CUL4B: variants seen among roughly 807,000 people sequenced by gnomAD.
The protein encoded by CUL4B is cullin 4B.
A neutral mutation model predicts 69.2 loss-of-function variants in CUL4B; 1 was observed. The observed-to-expected ratio is 0.01, with a 90% confidence interval of 0.01 to 0.07. CUL4B has a LOEUF of 0.07. Ranked by LOEUF, CUL4B falls within the 10% of genes least tolerant of loss-of-function variation. CUL4B has a pLI of 1.00. For synonymous variants in CUL4B, 237 were observed against 223.2 expected (o/e 1.06, Z -0.55); for missense variants, 328 against 638.8 (o/e 0.51, Z 5.24).
chrX:120,527,361 T>C (rs1431617526), intron 19 of CUL4B, among the ~76,000 whole-genome samples: 1 of 111,508 alleles, frequency 9.0e-6, no homozygotes, highest in Non-Finnish European at 1.9e-5. Context: ...CCCAGGTATG[T>C]TGAAGATTCT....
At chrX:120,563,770 T>G (rs1925411764), upstream of CUL4B, among the ~76,000 whole-genome samples, 1 of 112,284 alleles carries the variant, frequency 8.9e-6, no homozygotes, top group Middle Eastern at 4.6e-3. Flanking sequence ...AGTTAAAATC[T>G]TTAGGAGGGT....
At chrX:120,540,270 C>CAGGAATT in intron 11 of CUL4B, 100 bp downstream of exon 11, 3 of 794,340 alleles carry the variant, frequency 3.8e-6, no homozygotes, top group Middle Eastern at 4.2e-4. Flanking sequence ...TCAAACAAAT[C>CAGGAATT]AGGAATTAGT....
chrX:120,574,182 G>C (rs1387880307), intron 2 of CUL4B, among the ~76,000 whole-genome samples: 1 of 98,879 alleles, frequency 1.0e-5, no homozygotes, highest in Non-Finnish European at 2.0e-5. Context: ...AATTTCATAA[G>C]AATTTACTCA....
At chrX:120,543,068 C>T (rs777900826) in intron 8 of CUL4B, 35 bp from the exon 9 acceptor site, 7 of 964,004 alleles carry the variant, frequency 7.3e-6, no homozygotes, top group South Asian at 2.1e-5. Flanking sequence ...GTATTATTGA[C>T]GTTTGACTTC....
chrX:120,564,427 G>T (rs763284022), upstream of CUL4B, among the ~76,000 whole-genome samples: 3 of 111,992 alleles, frequency 2.7e-5, no homozygotes, highest in Non-Finnish European at 5.6e-5. Flanking sequence ...CCAACATGGT[G>T]AAACCCTATC....
upstream of CUL4B, among the ~76,000 whole-genome samples, chrX:120,563,981 GTCT>G (rs778260689): frequency 2.7e-5 from 3 of 112,183 alleles, no homozygotes; most frequent in East Asian, 8.4e-4. Context: ...AAGCCCTTCA[GTCT>G]TCTGAGTTAC....
Position 120,530,188 on chromosome X carries a change from T to C in CUL4B, c.2506A>G (p.Ile836Val), listed in dbSNP as rs1334613409. Reference sequence around the variant, plus strand: ...TTTCTCATCTTCATAATTCGAACAATTGCAGCATCAATTTGATACTGTCTG... The same window carrying C: ...TTTCTCATCTTCATAATTCGAACAACTGCAGCATCAATTTGATACTGTCTG... ...QDRQYQIDAA[I>V]VRIMKMRKTL... The change falls in exon 19 of 20, where the codon ATT (isoleucine) becomes GTT (valine). Residue 836 changes from isoleucine to valine, a missense_variant. Ile to Val is a conservative substitution (Grantham distance 29, BLOSUM62 3). Coordinates refer to ENST00000371322, the MANE Select transcript of CUL4B (RefSeq NM_001079872.2). 3.3e-6 allele frequency: 4 copies of C among 1,206,097 alleles called. No homozygotes were observed. Among genetic ancestry groups the C allele is most frequent in the South Asian group, 1.8e-5 (1 of 56,783 alleles).
intron 11 of CUL4B, 39 bp from the exon 12 acceptor site, chrX:120,539,411 A>C: frequency 1.2e-6 from 1 of 851,457 alleles, no homozygotes; most frequent in Middle Eastern, 2.7e-4. Context: ...ATAACCGGGG[A>C]ATACACGAGG....
At position 120,542,988 on chromosome X, in the gene CUL4B, G is replaced by A. The variant is rs750626614; in HGVS notation, c.1302C>T (p.His434=). ...ATVEKQLLGE[H]LTAILQKGLN... is the part of the protein sequence containing the mutation. The stretch of plus-strand genomic sequence containing the variant: ...TACCTTTCTGAAGAATTGCTGTTAA[G>A]TGTTCACCTAGAAGTTGTTTTTCTA... The change falls in exon 9 of 20, where the codon CAC becomes CAT. Residue 434 remains histidine, a synonymous_variant. Coordinates refer to ENST00000371322, the MANE Select transcript of CUL4B (RefSeq NM_001079872.2). 1 of 1,197,419 alleles carries A rather than the reference G, an allele frequency of 8.4e-7. No individual in the cohort carries two copies. The highest frequency in any genetic ancestry group is 3.0e-5 in the East Asian group (1 of 33,652).
chrX:120,556,668 CT>C (rs1424096590), intron 2 of CUL4B, among the ~76,000 whole-genome samples: 3 of 109,007 alleles, frequency 2.8e-5, no homozygotes, highest in South Asian at 4.0e-4. Flanking sequence ...AGCAAGACCC[CT>C]ATCTCTTAAA....
At position 120,560,500 on chromosome X, in the gene CUL4B, T is replaced by C. The variant is rs145134351; in HGVS notation, c.139A>G (p.Ser47Gly). The C allele has an allele frequency of 2.8e-5, 34 of 1,208,975 alleles. No individual in the cohort carries two copies. The highest frequency in any genetic ancestry group is 3.6e-5 in the Non-Finnish European group (32 of 894,644). The stretch of plus-strand genomic sequence containing the variant: ...CTCTCGTTACTACTGTTACTGCTGC[T>C]ACTGCTGCTGCTGTTTAACTTTCTC... The part of the protein sequence containing the change: ...KKRKLNSSSS[S>G]SSNSSNERED... Residue 47 changes from serine to glycine, a missense_variant, in exon 1 of 20, where the codon AGC becomes GGC. Around this residue, in one of 4 missense-constraint regions of CUL4B, gnomAD observed 102 missense variants for 122.1 expected, o/e 0.84. Coordinates refer to ENST00000371322, the MANE Select transcript of CUL4B (RefSeq NM_001079872.2).
chrX:120,524,275 C>A lies in CUL4B; in HGVS notation c.*2486G>T, dbSNP rs1922852663. Among the ~76,000 whole-genome samples the A allele has an allele frequency of 1.8e-5, 2 of 111,677 alleles. No individual in the cohort carries two copies. Among genetic ancestry groups the A allele is most frequent in the African/African-American group, 6.5e-5 (2 of 30,777 alleles). On this transcript the variant is annotated 3_prime_UTR_variant, in exon 20 of 20. Transcript: ENST00000371322. ...ATGCCATAACTAAGAGTAATCTTTT[C>A]TTCTCCCCTGAACTCAAATCTAGAC...
chrX:120,543,108 G>GA (rs757709300), intron 8 of CUL4B, 75 bp from the exon 9 acceptor site: 5 of 622,429 alleles, frequency 8.0e-6, no homozygotes, highest in South Asian at 2.5e-5. Context: ...CCTGAGGGGG[G>GA]AAAAAAATCA....
chrX:120,550,585 C>G (rs1381674553), intron 2 of CUL4B, among the ~76,000 whole-genome samples: 1 of 111,576 alleles, frequency 9.0e-6, no homozygotes, highest in African/African-American at 3.3e-5. Context: ...AGTGAGAAAT[C>G]GAGAATTAAG....
chrX:120,550,852 A>G (rs1195078644), intron 2 of CUL4B, among the ~76,000 whole-genome samples: 2 of 112,214 alleles, frequency 1.8e-5, no homozygotes, highest in African/African-American at 6.5e-5. Context: ...ACAAACAAAA[A>G]GAACTATCCG....
At chrX:120,528,645 C>T (rs886417915) in intron 19 of CUL4B, among the ~76,000 whole-genome samples, 3 of 110,405 alleles carry the variant, frequency 2.7e-5, no homozygotes, top group Admixed American at 9.7e-5. Context: ...TGCTTGAACC[C>T]GGGAGGCAGA....
chrX:120,544,434 C>T, intron 6 of CUL4B, 47 bp downstream of exon 6: 1 of 1,186,859 alleles, frequency 8.4e-7, no homozygotes, highest in Non-Finnish European at 1.1e-6. Flanking sequence ...GGAAAAAAAA[C>T]TAGGATAGCA....
At chrX:120,546,516 T>C (rs1924336426) in intron 4 of CUL4B, 31 bp downstream of exon 4, 3 of 1,116,204 alleles carry the variant, frequency 2.7e-6, no homozygotes, top group Non-Finnish European at 3.7e-6. Context: ...ATACAATGTT[T>C]AGCCGAAATA....
At chrX:120,528,601 G>A (rs1048200953) in intron 19 of CUL4B, among the ~76,000 whole-genome samples, 1 of 109,022 alleles carries the variant, frequency 9.2e-6, no homozygotes, top group Admixed American at 9.9e-5. Context: ...CGCACCTGTG[G>A]TCCCAGCTAC....
Sources: allele counts gnomAD v4.1 joint callset (sites outside exome capture counted in the v4.1 genomes callset), GRCh38; gene constraint gnomAD v4.1.1; regional missense constraint gnomAD v4.1.1; transcripts MANE v1.5; gene names NCBI Gene and HGNC (gene_info 2026-07-23, HGNC 2026-07-21).